Variants in COL5A2 observed in about 807,000 individuals in gnomAD.
COL5A2 encodes the protein collagen type V alpha 2 chain.
COL5A2 carries 23 observed loss-of-function variants against 208.2 expected under a neutral mutation model. The observed-to-expected ratio is 0.11, with a 90% CI of 0.08 to 0.16. COL5A2 has a LOEUF of 0.16. Ranked by LOEUF, COL5A2 falls within the 10% of genes least tolerant of loss-of-function variation. The probability of loss-of-function intolerance (pLI) is 1.00; values close to 1 mark genes in which losing one functional copy is unlikely to be tolerated. For synonymous variants in COL5A2, 625 were observed against 628.5 expected, an observed-to-expected ratio of 0.99 and a Z score of 0.08; for missense variants, 1,590 against 1,956.4, an observed-to-expected ratio of 0.81 and a Z score of 3.53.
intron 1 of COL5A2, among the ~76,000 whole-genome samples, chr2:189,197,231 A>AT (rs1367340786): frequency 6.6e-6 from 1 of 152,202 alleles, no homozygotes; most frequent in African/African-American, 2.4e-5. Flanking sequence ...GAGTTGAACA[A>AT]TGAGAACACA....
chr2:189,293,889 T>C, the COL5A2 span, among the ~76,000 whole-genome samples: 10 of 151,986 alleles, frequency 6.6e-5, no homozygotes, highest in South Asian at 1.7e-3. Context: ...ATCGAAACCA[T>C]CCTGGCTAAC....
At chr2:189,201,188 G>T (rs748112330) in intron 1 of COL5A2, among the ~76,000 whole-genome samples, 29 of 151,940 alleles carry the variant, frequency 1.9e-4, no homozygotes, top group Non-Finnish European at 1.5e-5. Context: ...GATGTGAAAA[G>T]GAATTGGAAA....
chr2:189,390,075 G>T, the COL5A2 span, among the ~76,000 whole-genome samples: 1 of 151,764 alleles, frequency 6.6e-6, no homozygotes, highest in Admixed American at 6.6e-5. Flanking sequence ...GTTCTTTTTG[G>T]CCTCCTAGAT....
At position 189,094,195 on chromosome 2, in the gene COL5A2, T is replaced by C. The variant is rs374591350; in HGVS notation, c.457-1775A>G. ...TTATATGTCTCCACGGAATGCCCTC[T>C]AAATAGCTTATGAAATTTACTGTTG... On this transcript the variant is annotated intron_variant, in intron 6 of 53. Transcript: ENST00000374866. Among the ~76,000 whole-genome samples the C allele has an allele frequency of 1.5e-4, 23 of 152,304 alleles. No homozygotes were observed. The East Asian group carries it at 2.3e-3, about 15-fold the overall frequency.
At chr2:189,406,097 C>A in the COL5A2 span, among the ~76,000 whole-genome samples, 1 of 151,956 alleles carries the variant, frequency 6.6e-6, no homozygotes, top group African/African-American at 2.4e-5. Context: ...TTTCCAAATG[C>A]TAAGATTAAA....
the COL5A2 span, among the ~76,000 whole-genome samples, chr2:189,253,163 C>T: frequency 2.0e-5 from 3 of 152,142 alleles, no homozygotes; most frequent in Non-Finnish European, 4.4e-5. Context: ...TGCAGTGGAG[C>T]TCATGGCACG....
chr2:189,261,005 C>G, the COL5A2 span, among the ~76,000 whole-genome samples: 1 of 152,066 alleles, frequency 6.6e-6, no homozygotes, highest in Non-Finnish European at 1.5e-5. Flanking sequence ...ACTGACATAT[C>G]CATCTATTTG....
In COL5A2 at chr2:189,060,711, T is replaced by C. The variant is rs2105584543; in HGVS notation, c.2085+19A>G. On this transcript the variant is annotated intron_variant, in intron 31 of 53. Coordinates refer to ENST00000374866, the MANE Select transcript of COL5A2 (RefSeq NM_000393.5). Reference sequence around the variant, plus strand: ...CCAGCAATGTATAGTGTTGCCATTATTATTATTTAAACACTTACTTGATCA... The same window carrying C: ...CCAGCAATGTATAGTGTTGCCATTACTATTATTTAAACACTTACTTGATCA... 1 of 1,603,450 alleles carries C rather than the reference T, an allele frequency of 6.2e-7. No individual in the cohort carries two copies. The highest frequency in any genetic ancestry group is 8.5e-7 in the Non-Finnish European group (1 of 1,170,424).
intron 16 of COL5A2, 130 bp from the exon 17 acceptor site, chr2:189,075,567 C>T (rs1686386556): frequency 8.6e-6 from 6 of 694,652 alleles, no homozygotes; most frequent in Admixed American, 6.5e-5. Flanking sequence ...GACAATAACC[C>T]TCACTCAGTT....
chr2:189,086,290 A>T (rs968314518), intron 9 of COL5A2, among the ~76,000 whole-genome samples: 1 of 152,240 alleles, frequency 6.6e-6, no homozygotes, highest in Non-Finnish European at 1.5e-5. Context: ...AGGCATTTTA[A>T]AAGCATATTG....
the COL5A2 span, among the ~76,000 whole-genome samples, chr2:189,273,827 G>C: frequency 1.3e-5 from 2 of 152,096 alleles, no homozygotes; most frequent in Non-Finnish European, 2.9e-5. Flanking sequence ...AGGGTAGAAT[G>C]ATGATTACCA....
chr2:189,151,927 C>T (rs1304139319), intron 1 of COL5A2, among the ~76,000 whole-genome samples: 1 of 152,052 alleles, frequency 6.6e-6, no homozygotes, highest in Non-Finnish European at 1.5e-5. Context: ...GGTCTAAGAC[C>T]CCAGTAGTTA....
At chr2:189,277,636 C>G in the COL5A2 span, among the ~76,000 whole-genome samples, 2 of 152,128 alleles carry the variant, frequency 1.3e-5, no homozygotes, top group Admixed American at 1.3e-4. Flanking sequence ...ACAAAGTATA[C>G]CAGGATTCTA....
At chr2:189,070,321 A>G (rs1394761107) in intron 18 of COL5A2, among the ~76,000 whole-genome samples, 1 of 152,146 alleles carries the variant, frequency 6.6e-6, no homozygotes, top group Non-Finnish European at 1.5e-5. Flanking sequence ...AAGCATATTG[A>G]ATCTCTGTTT....
the COL5A2 span, among the ~76,000 whole-genome samples, chr2:189,249,294 A>T: frequency 6.6e-6 from 1 of 152,184 alleles, no homozygotes; most frequent in Non-Finnish European, 1.5e-5. Flanking sequence ...CAATGAACCT[A>T]TCATTAATGA....
chr2:189,122,167 T>C (rs1687515004), intron 1 of COL5A2, among the ~76,000 whole-genome samples: 1 of 152,220 alleles, frequency 6.6e-6, no homozygotes, highest in Non-Finnish European at 1.5e-5. Flanking sequence ...TATCCAGTTG[T>C]TTCTTCAATG....
At chr2:189,108,312 GA>G (rs1221009847) in intron 2 of COL5A2, among the ~76,000 whole-genome samples, 3 of 151,838 alleles carry the variant, frequency 2.0e-5, no homozygotes, top group Admixed American at 6.6e-5. Context: ...GAAATTTATA[GA>G]AACAATAACC....
At chr2:189,398,309 T>C in the COL5A2 span, among the ~76,000 whole-genome samples, 1 of 152,164 alleles carries the variant, frequency 6.6e-6, no homozygotes, top group Admixed American at 6.5e-5. Context: ...TAATGTTTGC[T>C]ATTGCTCAAA....
chr2:189,392,197 C>T, the COL5A2 span, among the ~76,000 whole-genome samples: 16 of 152,178 alleles, frequency 1.1e-4, no homozygotes, highest in South Asian at 3.1e-3. Context: ...TCCACATAAA[C>T]CTAGGAAGTA....
Sources: allele counts gnomAD v4.1 joint callset (sites outside exome capture counted in the v4.1 genomes callset), GRCh38; gene constraint gnomAD v4.1.1; transcripts MANE v1.5; gene names NCBI Gene and HGNC (gene_info 2026-07-23, HGNC 2026-07-21).